The following SUCLG2 variants were observed in gnomAD, a reference collection of about 807,000 sequenced individuals.
The protein encoded by SUCLG2 is succinate-CoA ligase GDP-forming subunit beta, also known as succinate--CoA ligase [GDP-forming] subunit beta, mitochondrial.
SUCLG2 carries 42 observed loss-of-function variants against 47.9 expected under a neutral mutation model. The observed-to-expected ratio is 0.88, with a 90% CI of 0.69 to 1.14. The LOEUF (loss-of-function observed/expected upper bound fraction) is 1.14. SUCLG2 is among the 50% of genes most tolerant of loss of function. The pLI, the probability that SUCLG2 is intolerant of heterozygous loss-of-function variation, is 0.00. For synonymous variants in SUCLG2, 195 were observed against 197.3 expected, an observed-to-expected ratio of 0.99 and a Z score of 0.10; for missense variants, 571 against 525.9, an observed-to-expected ratio of 1.09 and a Z score of -0.84.
In SUCLG2 at chr3:67,469,982, T is replaced by C. The variant is rs190403945; in HGVS notation, c.1062+25816A>G. Among the ~76,000 whole-genome samples the C allele has an allele frequency of 2.3e-3, 351 of 151,128 alleles. 1 individual carries two copies. The highest frequency in any genetic ancestry group is 7.9e-3 in the African/African-American group (323 of 41,054). ...ATCACTTGAACCCAGGAGGTGGAGG[T>C]TGCAAAGTGCCAAGATCACGCCATT... On this transcript the variant is annotated intron_variant, in intron 9 of 10. Transcript: ENST00000307227.
intron 7 of SUCLG2, among the ~76,000 whole-genome samples, chr3:67,508,172 GTTCAACT>G (rs1204657041): frequency 6.6e-6 from 1 of 152,156 alleles, no homozygotes; most frequent in African/African-American, 2.4e-5. Flanking sequence ...AGGTGAAAGA[GTTCAACT>G]GGGGGGGACT....
intron 2 of SUCLG2, among the ~76,000 whole-genome samples, chr3:67,550,724 C>A (rs1369932753): frequency 1.3e-5 from 2 of 152,180 alleles, no homozygotes; most frequent in African/African-American, 4.8e-5. Flanking sequence ...TAATTAGGTG[C>A]AGTGGATAAG....
chr3:67,615,158 C>A (rs2107322717), intron 1 of SUCLG2, among the ~76,000 whole-genome samples: 1 of 151,700 alleles, frequency 6.6e-6, no homozygotes, highest in East Asian at 1.9e-4. Context: ...AAAAATGAGG[C>A]AGGGGACAAA....
intron 9 of SUCLG2, chr3:67,408,795 A>C (rs545676239): frequency 7.4e-7 from 1 of 1,345,714 alleles, no homozygotes; most frequent in South Asian, 2.2e-5. Flanking sequence ...CCTGGTAAAT[A>C]AACTCAATGA....
intron 9 of SUCLG2, among the ~76,000 whole-genome samples, chr3:67,447,327 T>C (rs1223244728): frequency 2.0e-5 from 3 of 152,218 alleles, no homozygotes; most frequent in African/African-American, 7.2e-5. Flanking sequence ...TACCAAAAAG[T>C]GACTGTTTAA....
At chr3:67,532,117 C>G (rs973062020) in intron 2 of SUCLG2, among the ~76,000 whole-genome samples, 1 of 152,076 alleles carries the variant, frequency 6.6e-6, no homozygotes, top group Non-Finnish European at 1.5e-5. Context: ...AAAATTAACT[C>G]TAATATGAGT....
At chr3:67,635,526 T>A in intron 1 of SUCLG2, among the ~76,000 whole-genome samples, 1 of 152,228 alleles carries the variant, frequency 6.6e-6, no homozygotes, top group East Asian at 1.9e-4. Context: ...TCTTTTTTAC[T>A]TTAGCTGGGC....
Position 67,377,483 on chromosome 3 carries a change from C to A in SUCLG2, c.1184-1624G>T, listed in dbSNP as rs201538466. On this transcript the variant is annotated intron_variant, in intron 10 of 10. Coordinates refer to ENST00000307227, the MANE Select transcript of SUCLG2 (RefSeq NM_003848.4). ...CCAGCCAGAAACTACATTTCCCAGG[C>A]CCCCCTGCATCTCGAAGGGGACATG... 1.4e-3 allele frequency among the ~76,000 whole-genome samples: 51 copies of A among 37,124 alleles called. No homozygotes were observed. In the East Asian group the frequency reaches 0.034, roughly 25 times the overall value. 24.4% of individuals were successfully genotyped at this position (37,124 alleles called of 152,430 possible).
At chr3:67,371,673 C>A (rs1341839751), downstream of SUCLG2, among the ~76,000 whole-genome samples, 1 of 152,186 alleles carries the variant, frequency 6.6e-6, no homozygotes, top group East Asian at 1.9e-4. Flanking sequence ...ATACACAGGG[C>A]AAGCAATACA....
intron 9 of SUCLG2, among the ~76,000 whole-genome samples, chr3:67,430,161 C>T (rs1703437392): frequency 6.6e-6 from 1 of 152,178 alleles, no homozygotes. Flanking sequence ...TTTCTCAGCA[C>T]CACATTGCAC....
intron 1 of SUCLG2, among the ~76,000 whole-genome samples, chr3:67,631,641 A>T (rs1357875373): frequency 6.6e-6 from 1 of 152,090 alleles, no homozygotes; most frequent in Admixed American, 6.6e-5. Context: ...AAAATAAAAA[A>T]ATAAAGTATT....
intron 2 of SUCLG2, among the ~76,000 whole-genome samples, chr3:67,541,595 G>A (rs1706713608): frequency 6.6e-6 from 1 of 152,198 alleles, no homozygotes; most frequent in Admixed American, 6.5e-5. Context: ...ACACTCTTCA[G>A]GATGTTATCC....
chr3:67,495,869 A>C lies in SUCLG2; in HGVS notation c.991T>G (p.Leu331Val). The C allele has an allele frequency of 6.2e-7, 1 of 1,614,094 alleles. No homozygotes were observed. The highest frequency in any genetic ancestry group is 8.5e-7 in the Non-Finnish European group (1 of 1,179,980). Residue 331 changes from leucine (L) to valine (V), a missense_variant, in exon 9 of 11, where the codon TTG (leucine) becomes GTG (valine). By Grantham distance (32) the Leu-to-Val change is conservative. Coordinates refer to ENST00000307227, the MANE Select transcript of SUCLG2 (RefSeq NM_003848.4). ...TCCTTTACACCACCTCCAAGATCCA[A>C]GAAGTTGGCTGGCTTCCCACCATTA... The part of the protein sequence containing the change: ...FLNGGKPANF[L>V]DLGGGVKEAQ...
At chr3:67,628,288 G>C (rs1419226367) in intron 1 of SUCLG2, among the ~76,000 whole-genome samples, 1 of 152,190 alleles carries the variant, frequency 6.6e-6, no homozygotes, top group African/African-American at 2.4e-5. Context: ...CACTGCATGA[G>C]ACATTGTAGG....
intron 4 of SUCLG2, among the ~76,000 whole-genome samples, chr3:67,522,907 G>A (rs545678022): frequency 6.2e-4 from 94 of 151,642 alleles, no homozygotes; most frequent in South Asian, 4.4e-3. Flanking sequence ...CTCGTGATCC[G>A]CCCGCCTCGG....
In SUCLG2 at chr3:67,611,704, G is replaced by A. The variant is rs185612596; in HGVS notation, c.85-2108C>T. On this transcript the variant is annotated intron_variant, in intron 1 of 10. Coordinates refer to ENST00000307227, the MANE Select transcript of SUCLG2 (RefSeq NM_003848.4). ...GAGCATTTGAGGGAGACTAAAAACA[G>A]CCACAATGTGGTTGTGGTCAATTCC... Among the ~76,000 whole-genome samples the A allele has an allele frequency of 2.1e-3, 326 of 152,312 alleles. 3 individuals are homozygous for A. In the East Asian group the frequency reaches 0.025, roughly 12 times the overall value.
chr3:67,423,017 G>C (rs1459903398), intron 9 of SUCLG2, among the ~76,000 whole-genome samples: 2 of 152,138 alleles, frequency 1.3e-5, no homozygotes, highest in African/African-American at 4.8e-5. Context: ...AGGCTGCCAG[G>C]GTTGATTTAG....
In SUCLG2 at chr3:67,529,091, T is replaced by C. The variant is rs368342485; in HGVS notation, c.322A>G (p.Lys108Glu). ...AATAACAACCTCCAGACTTACTCTT[T>C]TGTTAAATGAACACCTCCTTTCAAA... is the stretch of plus-strand genomic sequence containing the variant. ...SGLKGGVHLT[K>E]DPNVVGQLAK... Residue 108 changes from lysine to glutamate, a missense_variant, in exon 3 of 11, where the codon AAA (lysine) becomes GAA (glutamate). Lys to Glu is a moderately conservative substitution (Grantham distance 56). Transcript: ENST00000307227. 3 of 1,610,178 alleles carry C rather than the reference T, an allele frequency of 1.9e-6. No homozygotes were observed. Among genetic ancestry groups the C allele is most frequent in the East Asian group, 2.2e-5 (1 of 44,834 alleles).
intron 3 of SUCLG2, 21 bp from the exon 4 acceptor site, chr3:67,528,243 GC>G: frequency 6.2e-7 from 1 of 1,601,004 alleles, no homozygotes; most frequent in Non-Finnish European, 8.6e-7. Context: ...GAGAAAACAA[GC>G]AGAAAATGAA....
Sources: gnomAD v4.1 joint callset for allele counts (sites outside exome capture counted in the v4.1 genomes callset) on GRCh38, gnomAD v4.1.1 for gene constraint, MANE v1.5 for transcripts, NCBI Gene and HGNC (gene_info 2026-07-23, HGNC 2026-07-21) for gene names.